FBXL17: variants seen among roughly 807,000 people sequenced by gnomAD.
FBXL17 encodes the protein F-box and leucine rich repeat protein 17.
Under a neutral mutation model 66.2 loss-of-function variants are expected in FBXL17, and 22 were observed. The observed-to-expected ratio is 0.33, with a 90% CI of 0.24 to 0.47. FBXL17 has a LOEUF of 0.47. Ranked by LOEUF, FBXL17 falls within the 20% of genes least tolerant of loss-of-function variation. The pLI is 1.00. For synonymous variants in FBXL17, 474 were observed against 400.5 expected (o/e 1.18, Z -2.19); for missense variants, 878 against 948.2 (o/e 0.93, Z 0.97).
intron 6 of FBXL17, among the ~76,000 whole-genome samples, chr5:108,177,749 C>T (rs1752844655): frequency 6.6e-6 from 1 of 151,762 alleles, no homozygotes; most frequent in Non-Finnish European, 1.5e-5. Context: ...CGTGTCTGGG[C>T]CTTAATTCCT....
chr5:108,183,520 T>C (rs955966113), intron 6 of FBXL17, among the ~76,000 whole-genome samples: 3 of 152,244 alleles, frequency 2.0e-5, no homozygotes, highest in African/African-American at 4.8e-5. Context: ...AATTTTACTT[T>C]GTAAACTTTG....
intron 4 of FBXL17, 33 bp from the exon 5 acceptor site, chr5:108,224,261 G>T: frequency 7.6e-7 from 1 of 1,307,394 alleles, no homozygotes; most frequent in Non-Finnish European, 1.1e-6. Flanking sequence ...ATTATTCAAG[G>T]TAATAGTCCA....
intron 7 of FBXL17, among the ~76,000 whole-genome samples, chr5:107,991,203 A>G (rs1334375908): frequency 1.3e-5 from 2 of 152,304 alleles, no homozygotes; most frequent in East Asian, 3.9e-4. Flanking sequence ...AGGGATGGAA[A>G]TTTTCAGTGG....
intron 5 of FBXL17, among the ~76,000 whole-genome samples, chr5:108,199,999 C>T (rs1753824239): frequency 1.3e-5 from 2 of 152,074 alleles, no homozygotes; most frequent in Non-Finnish European, 2.9e-5. Flanking sequence ...CATCCCAAAG[C>T]TGAAGACACT....
chr5:108,365,786 A>G lies in FBXL17; in HGVS notation c.1117-791T>C, dbSNP rs1410812537. ...AGTTAGTTGAACTGAATTGTTGTAC[A>G]TCCAGTTAGTGTTAGAAAATTGTTA... is the stretch of plus-strand genomic sequence containing the variant. On this transcript the variant is annotated intron_variant, in intron 2 of 8. Transcript: ENST00000542267. Among the ~76,000 whole-genome samples, 24 of 152,070 alleles carry G rather than the reference A, an allele frequency of 1.6e-4. 1 individual carries two copies. Among genetic ancestry groups the G allele is most frequent in the Admixed American group, 1.6e-3 (24 of 15,244 alleles).
intron 1 of FBXL17, among the ~76,000 whole-genome samples, chr5:108,368,396 T>A (rs1748811803): frequency 1.3e-5 from 2 of 151,998 alleles, no homozygotes; most frequent in African/African-American, 4.8e-5. Context: ...ATATGTGATT[T>A]AAGAAAAAAA....
chr5:108,210,297 T>C (rs1331455842), intron 5 of FBXL17, among the ~76,000 whole-genome samples: 1 of 152,210 alleles, frequency 6.6e-6, no homozygotes, highest in Non-Finnish European at 1.5e-5. Context: ...GGTTTTTTCA[T>C]GTCTCTATCT....
intron 6 of FBXL17, among the ~76,000 whole-genome samples, chr5:108,032,364 C>T (rs770152322): frequency 6.6e-6 from 1 of 151,970 alleles, no homozygotes; most frequent in Non-Finnish European, 1.5e-5. Flanking sequence ...TTAAAAAATA[C>T]CTGTAGTAGG....
chr5:108,298,576 A>G, intron 4 of FBXL17: 2 of 953,244 alleles, frequency 2.1e-6, no homozygotes, highest in South Asian at 9.7e-5. Flanking sequence ...GAGATGGGAA[A>G]CAATGTTGTA....
At chr5:107,930,649 T>A (rs983436870) in intron 7 of FBXL17, among the ~76,000 whole-genome samples, 4 of 152,248 alleles carry the variant, frequency 2.6e-5, no homozygotes, top group Admixed American at 1.3e-4. Context: ...TTAGTAAGCA[T>A]TTATTAAATG....
At chr5:108,041,702 G>C (rs1377986985) in intron 6 of FBXL17, among the ~76,000 whole-genome samples, 1 of 152,082 alleles carries the variant, frequency 6.6e-6, no homozygotes, top group Non-Finnish European at 1.5e-5. Flanking sequence ...ACAGGTGTGA[G>C]CTACTGTACT....
chr5:108,142,677 G>T (rs1231136231), intron 6 of FBXL17, among the ~76,000 whole-genome samples: 1 of 152,166 alleles, frequency 6.6e-6, no homozygotes, highest in Non-Finnish European at 1.5e-5. Flanking sequence ...ATGTTGATGA[G>T]AAGTTAGACA....
At chr5:107,874,914 T>G (rs951097342) in intron 8 of FBXL17, among the ~76,000 whole-genome samples, 1 of 152,178 alleles carries the variant, frequency 6.6e-6, no homozygotes, top group Non-Finnish European at 1.5e-5. Flanking sequence ...ATGCTTCAAG[T>G]GAAGGACTTA....
At chr5:108,296,427 A>C (rs1266337972) in intron 4 of FBXL17, among the ~76,000 whole-genome samples, 1 of 151,900 alleles carries the variant, frequency 6.6e-6, no homozygotes, top group Non-Finnish European at 1.5e-5. Context: ...CCTTATTTAT[A>C]ACTATTTTCT....
At chr5:108,289,956 A>C (rs563092335) in intron 4 of FBXL17, among the ~76,000 whole-genome samples, 1 of 152,320 alleles carries the variant, frequency 6.6e-6, no homozygotes, top group African/African-American at 2.4e-5. Context: ...TCTGTAAAAC[A>C]TTCACAAAAA....
At chr5:108,262,752 G>C (rs988217295) in intron 4 of FBXL17, among the ~76,000 whole-genome samples, 3 of 150,192 alleles carry the variant, frequency 2.0e-5, no homozygotes, top group East Asian at 2.0e-4. Context: ...TCAAAAAAAA[G>C]AGCTAAATAA....
chr5:107,990,134 T>G (rs1753182902), intron 7 of FBXL17, among the ~76,000 whole-genome samples: 1 of 152,192 alleles, frequency 6.6e-6, no homozygotes, highest in Non-Finnish European at 1.5e-5. Context: ...TCTGGCATCC[T>G]CCTATGACAG....
intron 7 of FBXL17, among the ~76,000 whole-genome samples, chr5:107,940,449 T>C (rs1012543469): frequency 5.9e-5 from 9 of 152,220 alleles, no homozygotes; most frequent in African/African-American, 1.4e-4. Flanking sequence ...GAGGAGTGAA[T>C]GTTGCCTGGA....
chr5:108,253,144 T>TGAAGA (rs1450731803), intron 4 of FBXL17, among the ~76,000 whole-genome samples: 1 of 152,182 alleles, frequency 6.6e-6, no homozygotes, highest in Non-Finnish European at 1.5e-5. Context: ...TTAAAGTTAA[T>TGAAGA]GAAGAGAAGA....
Sources: gnomAD v4.1 joint callset for allele counts (sites outside exome capture counted in the v4.1 genomes callset) on GRCh38, gnomAD v4.1.1 for gene constraint, MANE v1.5 for transcripts, NCBI Gene and HGNC (gene_info 2026-07-23, HGNC 2026-07-21) for gene names.